The following PRDM1 variants were observed in gnomAD, a reference collection of about 807,000 sequenced individuals.
PRDM1 encodes the protein PR domain zinc finger protein 1.
In PRDM1, 13 loss-of-function variants were observed where a neutral mutation model predicts 62.8. The ratio of observed to expected loss-of-function variants is 0.21; its 90% CI spans 0.13 to 0.33. PRDM1 has a LOEUF of 0.33. Among genes scored for constraint, PRDM1 ranks in the 10% least tolerant of loss-of-function variants. PRDM1 has a pLI of 1.00. For missense variants in PRDM1, 895 were observed against 1,058.8 expected (o/e 0.85, Z 2.15); for synonymous variants, 396 against 417.6 (o/e 0.95, Z 0.63).
chr6:106,047,256 G>A (rs1773095457), upstream of PRDM1, among the ~76,000 whole-genome samples: 1 of 152,240 alleles, frequency 6.6e-6, no homozygotes, highest in Non-Finnish European at 1.5e-5. Context: ...AGTGCTACAT[G>A]TAGTTGTACA....
upstream of PRDM1, among the ~76,000 whole-genome samples, chr6:106,085,029 A>G (rs558923020): frequency 6.6e-6 from 1 of 152,364 alleles, no homozygotes; most frequent in South Asian, 2.1e-4. Context: ...AAAGTTTTCT[A>G]AAAGTGAGAA....
chr6:106,090,419 T>G (rs1035003483), intron 2 of PRDM1, among the ~76,000 whole-genome samples: 9 of 152,236 alleles, frequency 5.9e-5, no homozygotes, highest in African/African-American at 2.2e-4. Flanking sequence ...GAATAGAGGA[T>G]AGTATGTCTT....
rs1772323968 is a variant in PRDM1 at position 105,994,682 on chromosome 6, T to C, written c.-67+1043T>C. On this transcript the variant is annotated intron_variant, in intron 1 of 6. Coordinates refer to the PRDM1 transcript ENST00000652320. This position sits in a 1 kb window ranked among gnomAD's most constrained non-coding sequence, Gnocchi z 4.1. ...GTCGCGGGACTCCAGAAGTGGGTTG[T>C]GCAAGACAAACTTCCAGATAAATCT... is the stretch of plus-strand genomic sequence containing the variant. 6.6e-6 allele frequency among the ~76,000 whole-genome samples: 1 copy of C among 152,178 alleles called. No homozygotes were observed. The highest frequency in any genetic ancestry group is 2.4e-5 in the African/African-American group (1 of 41,448).
intron 1 of PRDM1, among the ~76,000 whole-genome samples, chr6:105,998,534 TA>T (rs1772378644): frequency 6.6e-6 from 1 of 152,228 alleles, no homozygotes; most frequent in East Asian, 1.9e-4. Flanking sequence ...AATAAACCCA[TA>T]AGTCAAATGA....
At chr6:106,074,874 T>C (rs1240572857) in intron 1 of PRDM1, among the ~76,000 whole-genome samples, 1 of 152,200 alleles carries the variant, frequency 6.6e-6, no homozygotes. Context: ...CTCAAGAGGC[T>C]GAGGCATGAG....
upstream of PRDM1, chr6:106,045,391 A>G (rs1043689190): frequency 2.6e-5 from 4 of 152,368 alleles, no homozygotes; most frequent in African/African-American, 9.6e-5. Flanking sequence ...TTAAAAAAGC[A>G]AACAGACTTT....
At chr6:106,065,915 G>A (rs1474953445) in intron 1 of PRDM1, among the ~76,000 whole-genome samples, 1 of 152,072 alleles carries the variant, frequency 6.6e-6, no homozygotes, top group Non-Finnish European at 1.5e-5. Context: ...TAGATATTAT[G>A]GTTTACATAC....
chr6:106,001,543 T>G (rs1772424351), intron 1 of PRDM1, among the ~76,000 whole-genome samples: 1 of 152,198 alleles, frequency 6.6e-6, no homozygotes, highest in South Asian at 2.1e-4. Context: ...AGAAAGCTGT[T>G]TTACTCTACC....
chr6:106,092,847 G>A (rs554838057), intron 2 of PRDM1, among the ~76,000 whole-genome samples: 1 of 152,194 alleles, frequency 6.6e-6, no homozygotes, highest in Non-Finnish European at 1.5e-5. Flanking sequence ...GCTAGACTTA[G>A]AATGGATATA....
At chr6:106,091,075 T>C (rs961106513) in intron 2 of PRDM1, among the ~76,000 whole-genome samples, 4 of 152,236 alleles carry the variant, frequency 2.6e-5, no homozygotes, top group African/African-American at 9.6e-5. Context: ...GTTATTCTTT[T>C]ATGGGGGTTT....
chr6:106,058,695 C>T (rs948796732), intron 1 of PRDM1, among the ~76,000 whole-genome samples: 1 of 152,180 alleles, frequency 6.6e-6, no homozygotes, highest in Non-Finnish European at 1.5e-5. Flanking sequence ...ACCTCAGCCT[C>T]CTGAGTATCT....
chr6:106,097,296 G>A (rs1162582689), intron 3 of PRDM1, among the ~76,000 whole-genome samples: 4 of 152,196 alleles, frequency 2.6e-5, no homozygotes, highest in Non-Finnish European at 5.9e-5. Flanking sequence ...ATTAATGTGT[G>A]ATTATTTTGA....
chr6:106,099,721 C>A (rs1048031774), intron 4 of PRDM1, 169 bp downstream of exon 4: 39 of 822,994 alleles, frequency 4.7e-5, no homozygotes, highest in Middle Eastern at 3.6e-4. Flanking sequence ...TCCCTATTAA[C>A]TATTAGGAAA....
chr6:106,044,195 T>A (rs1267565797), upstream of PRDM1, among the ~76,000 whole-genome samples: 68 of 134,792 alleles, frequency 5.0e-4, 1 homozygote, highest in East Asian at 0.014. Flanking sequence ...TTTTTCTTTC[T>A]TTTTTTTTTT....
intron 1 of PRDM1, among the ~76,000 whole-genome samples, chr6:106,077,085 A>G (rs544252753): frequency 6.6e-6 from 1 of 152,330 alleles, no homozygotes; most frequent in South Asian, 2.1e-4. Flanking sequence ...AAACATGAAC[A>G]TCTTAATGTC....
chr6:106,082,564 A>G (rs892294531), upstream of PRDM1, among the ~76,000 whole-genome samples: 16 of 152,248 alleles, frequency 1.1e-4, no homozygotes, highest in African/African-American at 3.9e-4. Context: ...ATGTAATGAT[A>G]CAGGTGGTTC....
intron 2 of PRDM1, among the ~76,000 whole-genome samples, chr6:106,088,665 A>G (rs536793224): frequency 1.3e-5 from 2 of 152,270 alleles, no homozygotes; most frequent in African/African-American, 2.4e-5. Flanking sequence ...TAATTAGTAA[A>G]CAGTTAAATA....
intron 1 of PRDM1, among the ~76,000 whole-genome samples, chr6:105,999,922 C>T (rs1361208399): frequency 1.3e-5 from 2 of 152,072 alleles, no homozygotes; most frequent in South Asian, 2.1e-4. Flanking sequence ...GGCGCCATCT[C>T]GGCTCACTGC....
intron 1 of PRDM1, among the ~76,000 whole-genome samples, chr6:106,025,396 T>C (rs1772750905): frequency 6.6e-6 from 1 of 152,250 alleles, no homozygotes; most frequent in Admixed American, 6.5e-5. Context: ...AAAAGATCCA[T>C]AACTTTCAGC....
Sources: allele counts gnomAD v4.1 joint callset (sites outside exome capture counted in the v4.1 genomes callset), GRCh38; gene constraint gnomAD v4.1.1; non-coding constraint Gnocchi (gnomAD v3.1); transcripts MANE v1.5; gene names NCBI Gene and HGNC (gene_info 2026-07-23, HGNC 2026-07-21).